TRRAP: variants seen among roughly 807,000 people sequenced by gnomAD.
TRRAP encodes transformation/transcription domain-associated protein.
Under a neutral mutation model 438.8 loss-of-function variants are expected in TRRAP, and 41 were observed. The observed-to-expected ratio is 0.09, with a 90% CI of 0.07 to 0.12. TRRAP has a LOEUF of 0.12. TRRAP is among the 10% of genes least tolerant of loss of function. The probability of loss-of-function intolerance (pLI) is 1.00; values close to 1 mark genes in which losing one functional copy is unlikely to be tolerated. For missense variants in TRRAP, 3,122 were observed against 5,055.1 expected (o/e 0.62, Z 11.60); for synonymous variants, 1,994 against 1,962.9 (o/e 1.02, Z -0.42).
chr7:98,923,649 C>T (rs1160070562), intron 21 of TRRAP, among the ~76,000 whole-genome samples: 2 of 152,316 alleles, frequency 1.3e-5, no homozygotes, highest in South Asian at 4.1e-4. Flanking sequence ...GCAATACCCT[C>T]GAAGAGCACG....
intron 30 of TRRAP, among the ~76,000 whole-genome samples, chr7:98,938,156 C>T (rs1047282309): frequency 1.3e-5 from 2 of 152,038 alleles, no homozygotes; most frequent in South Asian, 4.1e-4. Flanking sequence ...GCCTGGGCAA[C>T]GAGTGAAACT....
chr7:98,889,045 CTTTTTTTT>C (rs11326725), intron 3 of TRRAP, among the ~76,000 whole-genome samples: 29 of 82,440 alleles, frequency 3.5e-4, no homozygotes, highest in African/African-American at 1.0e-3. Flanking sequence ...CAAAACTTTA[CTTTTTTTT>C]TTTTTTTTTT....
rs147159311 is a variant in TRRAP, at chr7:98,934,017, A to G, written c.4014+615A>G. Among the ~76,000 whole-genome samples the G allele has an allele frequency of 1.4e-4, 22 of 152,250 alleles. No homozygotes were observed. The East Asian group carries it at 4.3e-3, about 29-fold the overall frequency. On this transcript the variant is annotated intron_variant, in intron 27 of 72. Coordinates refer to ENST00000456197, the MANE Select transcript of TRRAP (RefSeq NM_001375524.1). ...GTCCAGCCGAGTTCTTATTTTTTTT[A>G]GTGGACTTGATTTGTCCCTTGACCC...
intron 7 of TRRAP, among the ~76,000 whole-genome samples, chr7:98,897,464 T>C (rs1347153840): frequency 1.3e-5 from 2 of 152,126 alleles, no homozygotes; most frequent in African/African-American, 4.8e-5. Context: ...TTGTCTTCTG[T>C]TGTTGAAGAT....
chr7:99,003,617 G>A (rs1455070696), intron 67 of TRRAP, among the ~76,000 whole-genome samples: 3 of 152,190 alleles, frequency 2.0e-5, no homozygotes, highest in African/African-American at 7.2e-5. Context: ...TTCCCGGAAG[G>A]GCCTGTGGGG....
chr7:98,935,533 C>T (rs782150702), intron 27 of TRRAP, 46 bp from the exon 28 acceptor site: 9 of 1,546,890 alleles, frequency 5.8e-6, no homozygotes, highest in Non-Finnish European at 8.0e-6. Context: ...GTTATTATGT[C>T]TTCACAGGAA....
Position 98,953,358 on chromosome 7 carries a change from C to G in TRRAP, c.5655C>G (p.Ala1885=), listed in dbSNP as rs782138067. The G allele has an allele frequency of 6.2e-6, 10 of 1,614,012 alleles. 1 individual carries two copies. In the South Asian group the frequency reaches 1.1e-4, roughly 18 times the overall value. The part of the protein sequence containing the change: ...CLLSKACVDP[A]CKYSGHLLLA... ...TCTCCAAGGCCTGCGTGGACCCAGC[C>G]TGCAAGTACAGCGGACACTTGCTCC... Residue 1885 remains alanine, a synonymous_variant, in exon 40 of 73, where the codon GCC becomes GCG. Coordinates refer to ENST00000456197, the MANE Select transcript of TRRAP (RefSeq NM_001375524.1).
chr7:98,979,845 T>G (rs530529865), intron 58 of TRRAP, among the ~76,000 whole-genome samples: 8 of 152,348 alleles, frequency 5.3e-5, no homozygotes, highest in African/African-American at 1.9e-4. Flanking sequence ...TAAATTAATT[T>G]CAAATAGTCT....
chr7:98,910,112 G>T lies in TRRAP; in HGVS notation c.1407G>T (p.Lys469Asn). The T allele has an allele frequency of 6.3e-7, 1 of 1,596,434 alleles. No homozygotes were observed. The highest frequency in any genetic ancestry group is 8.5e-7 in the Non-Finnish European group (1 of 1,171,956). The change falls in exon 15 of 73, where the codon AAG (lysine) becomes AAT (asparagine). Residue 469 changes from lysine (K) to asparagine (N), a missense_variant. Lys to Asn is a moderately conservative substitution (Grantham distance 94). Around this residue, in one of 24 missense-constraint regions of TRRAP, gnomAD observed 115 missense variants for 124.6 expected, o/e 0.92. Coordinates refer to ENST00000456197, the MANE Select transcript of TRRAP (RefSeq NM_001375524.1). ...GGTACCAGCTCTCTGCCATTTTTAA[G>T]AAGTGTAAGCCTCAGTCAGAACTTG... ...IARYQLSAIF[K>N]KCKPQSELGA... is the part of the protein sequence containing the mutation.
Position 98,976,449 on chromosome 7 carries a change from A to G in TRRAP, c.7960-34A>G, listed in dbSNP as rs192958792. On this transcript the variant is annotated intron_variant, in intron 54 of 72. Transcript: ENST00000456197. This position sits in a 1 kb window ranked among gnomAD's most constrained non-coding sequence, Gnocchi z 4.6. ...GACAGCAAGACTTGCCGATTTTTGAATGAAGGCCTAAATGACATGTGCTTT... is the reference window on the plus strand; with the variant it reads ...GACAGCAAGACTTGCCGATTTTTGAGTGAAGGCCTAAATGACATGTGCTTT... 2.5e-6 allele frequency: 4 copies of G among 1,590,082 alleles called. No individual in the cohort carries two copies. The African/African-American group carries it at 5.4e-5, about 21-fold the overall frequency.
In TRRAP at chr7:98,925,186, G is replaced by T. The variant is rs540794466; in HGVS notation, c.2898G>T (p.Val966=). ...EPYYRRQAWE[V]IKCFLVAMMS... ...ACTACCGGAGGCAGGCGTGGGAAGT[G>T]ATCAAATGCTTCCTGGTGGCCATGA... Residue 966 remains valine (V), a synonymous_variant, in exon 22 of 73, where the codon GTG becomes GTT. Transcript: ENST00000456197. 1,058 of 1,614,212 alleles carry T rather than the reference G, an allele frequency of 6.6e-4. 20 individuals are homozygous for T. The South Asian group carries it at 0.011, about 17-fold the overall frequency.
intron 30 of TRRAP, among the ~76,000 whole-genome samples, chr7:98,942,097 C>A (rs146908896): frequency 8.5e-5 from 13 of 152,334 alleles, no homozygotes; most frequent in African/African-American, 2.9e-4. Context: ...GGGCATTTGT[C>A]TGCCTGGTTT....
Position 98,899,694 on chromosome 7 carries a change from A to G in TRRAP, c.727A>G (p.Ile243Val). ...VLMYQLYKLNIHNVVAEFVPL... is the reference protein window; with the variant it reads ...VLMYQLYKLNVHNVVAEFVPL... ...TTGCTTTTAGCTCTACAAACTGAAC[A>G]TCCACAATGTTGTTGCTGAGTTTGT... The change falls in exon 10 of 73, where the codon ATC becomes GTC. Residue 243 changes from isoleucine (I) to valine (V), a missense_variant. Physicochemically the swap from Ile to Val is conservative, Grantham distance 29. Around this residue, in one of 24 missense-constraint regions of TRRAP, gnomAD observed 343 missense variants for 564.0 expected, o/e 0.61. Coordinates refer to ENST00000456197, the MANE Select transcript of TRRAP (RefSeq NM_001375524.1). 4 of 1,614,204 alleles carry G rather than the reference A, an allele frequency of 2.5e-6. No individual in the cohort carries two copies. The highest frequency in any genetic ancestry group is 3.4e-6 in the Non-Finnish European group (4 of 1,180,034).
chr7:98,994,688 T>C lies in TRRAP; in HGVS notation c.10149T>C (p.Asn3383=). Reference sequence around the variant, plus strand: ...CTAAAATCACCCCCCACACTCTCAATTTTGTGAAGAAGTTGGTGAGCACGT... The same window carrying C: ...CTAAAATCACCCCCCACACTCTCAACTTTGTGAAGAAGTTGGTGAGCACGT... ...SDAKITPHTL[N]FVKKLVSTFG... The change falls in exon 67 of 73, where the codon AAT becomes AAC. Residue 3383 remains asparagine, a synonymous_variant. Transcript: ENST00000456197. This position sits in a 1 kb window ranked among gnomAD's most constrained non-coding sequence, Gnocchi z 4.8. 6.2e-7 allele frequency: 1 copy of C among 1,614,184 alleles called. No homozygotes were observed. Among genetic ancestry groups the C allele is most frequent in the Non-Finnish European group, 8.5e-7 (1 of 1,180,038 alleles).
intron 16 of TRRAP, 128 bp from the exon 17 acceptor site, chr7:98,910,949 G>A: frequency 1.3e-6 from 1 of 749,232 alleles, no homozygotes; most frequent in Non-Finnish European, 2.0e-6. Context: ...AAAGGTTTTG[G>A]AGGGGGACAT....
In TRRAP at chr7:98,978,134, C is replaced by T. The variant is rs1584385748; in HGVS notation, c.8386-77C>T. On this transcript the variant is annotated intron_variant, in intron 56 of 72. Transcript: ENST00000456197. The stretch of plus-strand genomic sequence containing the variant: ...AAACCTCATCTCAAAAAACTTAGTT[C>T]TAAGTTTTAAATTTAAAAAGAAAGA... The T allele has an allele frequency of 4.4e-6, 6 of 1,353,550 alleles. No individual in the cohort carries two copies. In the East Asian group the frequency reaches 9.2e-5, roughly 21 times the overall value. 83.8% of individuals were successfully genotyped at this position (1,353,550 alleles called of 1,614,324 possible). A position where few individuals can be genotyped will look rare whatever the true frequency, so the allele number is the denominator to read the frequency against.
At chr7:98,928,054 C>T (rs920278414) in intron 23 of TRRAP, among the ~76,000 whole-genome samples, 30 of 152,130 alleles carry the variant, frequency 2.0e-4, no homozygotes, top group African/African-American at 7.0e-4. Context: ...GCCTGACCAA[C>T]ATGGAGAAAT....
At chr7:98,991,557 G>A (rs537161538) in intron 64 of TRRAP, among the ~76,000 whole-genome samples, 1 of 152,306 alleles carries the variant, frequency 6.6e-6, no homozygotes, top group African/African-American at 2.4e-5. Context: ...GCCTGTGACG[G>A]CTTAGATGTT....
rs139054116 is a variant in TRRAP at position 98,891,609 on chromosome 7, C to T, written c.262-815C>T. 2.5e-4 allele frequency among the ~76,000 whole-genome samples: 38 copies of T among 149,580 alleles called. No individual in the cohort carries two copies. The East Asian group carries it at 6.7e-3, about 27-fold the overall frequency. On this transcript the variant is annotated intron_variant, in intron 4 of 72. Transcript: ENST00000456197. ...GAAGTGCAGTGGCGCAGTCTCGGCT[C>T]ACTGCGAGCTCCGCCTCCCGGGTTC...
Sources: allele counts gnomAD v4.1 joint callset (sites outside exome capture counted in the v4.1 genomes callset), GRCh38; gene constraint gnomAD v4.1.1; regional missense constraint gnomAD v4.1.1; non-coding constraint Gnocchi (gnomAD v3.1); transcripts MANE v1.5; gene names NCBI Gene and HGNC (gene_info 2026-07-23, HGNC 2026-07-21).